RBL1: variants seen among roughly 807,000 people sequenced by gnomAD.
RBL1 encodes RB transcriptional corepressor like 1, also known as retinoblastoma-like protein 1.
Under a neutral mutation model 123.0 loss-of-function variants are expected in RBL1, and 82 were observed. The ratio of observed to expected loss-of-function variants is 0.67; its 90% CI spans 0.56 to 0.80. The LOEUF (loss-of-function observed/expected upper bound fraction) is 0.80, where lower values mean the gene tolerates loss of function less well. RBL1 is among the 30% of genes least tolerant of loss of function. The pLI is 0.00. For synonymous variants in RBL1, 405 were observed against 441.3 expected, an observed-to-expected ratio of 0.92 and a Z score of 1.03; for missense variants, 1,171 against 1,299.6, an observed-to-expected ratio of 0.90 and a Z score of 1.52.
intron 14 of RBL1, among the ~76,000 whole-genome samples, chr20:37,038,301 CTTTT>C (rs890141235): frequency 6.5e-5 from 7 of 107,532 alleles, no homozygotes; most frequent in Admixed American, 9.7e-5. Context: ...CTTATGCAAT[CTTTT>C]TTTTTTTTTT....
intron 2 of RBL1, among the ~76,000 whole-genome samples, chr20:37,069,781 C>T (rs1431123155): frequency 1.3e-5 from 2 of 151,410 alleles, no homozygotes; most frequent in African/African-American, 4.9e-5. Flanking sequence ...CCAGCACCCC[C>T]ATCCGGGAGG....
chr20:37,044,036 T>TG, intron 13 of RBL1, 50 bp downstream of exon 13: 4 of 1,186,124 alleles, frequency 3.4e-6, no homozygotes, highest in Middle Eastern at 4.2e-4. Context: ...AAAGCTGGTT[T>TG]TTTTTTTTTT....
chr20:37,047,686 T>C (rs934887230), intron 11 of RBL1, among the ~76,000 whole-genome samples: 1 of 152,106 alleles, frequency 6.6e-6, no homozygotes, highest in African/African-American at 2.4e-5. Context: ...CTTTCAAATA[T>C]CACCCTAGAT....
At position 37,035,345 on chromosome 20, in the gene RBL1, A is replaced by T. The variant is rs1186678797; in HGVS notation, c.2067T>A (p.Ile689=). The T allele has an allele frequency of 6.2e-7, 1 of 1,614,126 alleles. No individual in the cohort carries two copies. The highest frequency in any genetic ancestry group is 8.5e-7 in the Non-Finnish European group (1 of 1,179,992). The part of the protein sequence containing the change: ...TKLKIAPSSS[I]TAENVSILPG... ...GTAAAATTGATACATTTTCAGCAGT[A>T]ATGCTTGAAGAAGGAGCGATTTTCA... is the stretch of plus-strand genomic sequence containing the variant. Residue 689 remains isoleucine (I), a synonymous_variant, in exon 15 of 22, where the codon ATT becomes ATA. Coordinates refer to ENST00000373664, the MANE Select transcript of RBL1 (RefSeq NM_002895.5).
chr20:37,040,899 C>T (rs2064712107), intron 13 of RBL1, among the ~76,000 whole-genome samples: 2 of 152,248 alleles, frequency 1.3e-5, no homozygotes, highest in African/African-American at 4.8e-5. Context: ...TGCCCAAGGT[C>T]ACACAACTAG....
At position 37,078,561 on chromosome 20, in the gene RBL1, G is replaced by C. The variant is rs1221104068; in HGVS notation, c.291-10375C>G. On this transcript the variant is annotated intron_variant, in intron 2 of 21. Transcript: ENST00000373664. The stretch of plus-strand genomic sequence containing the variant: ...TTTGTTGAGCACTCCTTACTTTCTG[G>C]CATAAGAAGCTGTTCCAGATGCATC... Among the ~76,000 whole-genome samples the C allele has an allele frequency of 3.9e-5, 6 of 152,220 alleles. No individual in the cohort carries two copies. In the East Asian group the frequency reaches 1.2e-3, roughly 29 times the overall value.
Position 37,062,288 on chromosome 20 carries a change from A to G in RBL1, c.897-18T>C. 1 of 1,611,630 alleles carries G rather than the reference A, an allele frequency of 6.2e-7. No homozygotes were observed. Among genetic ancestry groups the G allele is most frequent in the South Asian group, 1.1e-5 (1 of 90,728 alleles). ...CTGCTTTGCTGCAAAGAGAATTATT[A>G]TAAGCTGTAATACTAAGTTACACAA... On this transcript the variant is annotated intron_variant, in intron 7 of 21. Coordinates refer to ENST00000373664, the MANE Select transcript of RBL1 (RefSeq NM_002895.5).
intron 11 of RBL1, among the ~76,000 whole-genome samples, chr20:37,050,544 CAAAAAAAAAAAAA>C (rs148834732): frequency 9.1e-4 from 10 of 10,944 alleles, no homozygotes; most frequent in African/African-American, 1.8e-3. Context: ...GACTCTGTCT[CAAAAAAAAAAAAA>C]AAAAAAAAAA....
At chr20:37,088,937 G>A (rs2065600999) in intron 2 of RBL1, 52 bp downstream of exon 2, 2 of 1,280,854 alleles carry the variant, frequency 1.6e-6, no homozygotes, top group Non-Finnish European at 2.1e-6. Flanking sequence ...AGAGAAAACT[G>A]ATTCCAAAAT....
chr20:37,051,327 T>A (rs895578497), intron 11 of RBL1, among the ~76,000 whole-genome samples: 1 of 152,130 alleles, frequency 6.6e-6, no homozygotes, highest in Non-Finnish European at 1.5e-5. Context: ...ATTATAGGCA[T>A]GTGCCACTAC....
At chr20:37,069,253 C>A (rs2065238278) in intron 2 of RBL1, among the ~76,000 whole-genome samples, 1 of 152,246 alleles carries the variant, frequency 6.6e-6, no homozygotes, top group Non-Finnish European at 1.5e-5. Flanking sequence ...CTCTGCCCAG[C>A]TGCCACCCCG....
chr20:37,027,831 T>C (rs953495714), intron 16 of RBL1, among the ~76,000 whole-genome samples: 8 of 152,220 alleles, frequency 5.3e-5, no homozygotes, highest in African/African-American at 1.9e-4. Flanking sequence ...CTTAGCTCAC[T>C]GCAGCCTCGA....
intron 2 of RBL1, among the ~76,000 whole-genome samples, chr20:37,071,263 T>A (rs1384416197): frequency 6.6e-6 from 1 of 152,206 alleles, no homozygotes. Context: ...CCAATACTTA[T>A]AATTTCTTTT....
Position 37,040,316 on chromosome 20 carries a change from TATAG to T in RBL1, c.1771-35_1771-32del, listed in dbSNP as rs746236437. On this transcript the variant is annotated intron_variant, in intron 13 of 21. Transcript: ENST00000373664. ...GAAAACAAAAACCCTTTGATTTACA[TATAG>T]ATAAACTTGCTGATTAAAACTTATT... 4.4e-6 allele frequency: 7 copies of T among 1,603,108 alleles called. No homozygotes were observed. The East Asian group carries it at 6.7e-5, about 15-fold the overall frequency.
chr20:37,065,583 G>C, intron 6 of RBL1, 110 bp from the exon 7 acceptor site: 1 of 625,348 alleles, frequency 1.6e-6, no homozygotes. Context: ...ACACAAAACA[G>C]AATTATTAAA....
chr20:37,040,117 G>A, intron 14 of RBL1, 36 bp downstream of exon 14: 1 of 1,604,380 alleles, frequency 6.2e-7, no homozygotes, highest in Non-Finnish European at 8.5e-7. Context: ...AATGCCCTTT[G>A]TTACTTTTTC....
intron 21 of RBL1, among the ~76,000 whole-genome samples, chr20:37,002,653 C>A (rs2064007604): frequency 6.6e-6 from 1 of 150,896 alleles, no homozygotes; most frequent in African/African-American, 2.4e-5. Flanking sequence ...TCTGTTTTAA[C>A]AAGCCCTCCC....
Position 37,088,201 on chromosome 20 carries a change from G to A in RBL1, c.290+788C>T, listed in dbSNP as rs938600444. Among the ~76,000 whole-genome samples, 12 of 151,070 alleles carry A rather than the reference G, an allele frequency of 7.9e-5. No individual in the cohort carries two copies. The East Asian group carries it at 2.4e-3, about 30-fold the overall frequency. The stretch of plus-strand genomic sequence containing the variant: ...AATCGCTTGAACCCAGGAGGCAGAG[G>A]TTGTGGTGAGCTGAGATTGCACCAC... On this transcript the variant is annotated intron_variant, in intron 2 of 21. Transcript: ENST00000373664.
At position 37,091,525 on chromosome 20, in the gene RBL1, C is replaced by T. The variant is rs576857128; in HGVS notation, c.157-2403G>A. On this transcript the variant is annotated intron_variant, in intron 1 of 21. Transcript: ENST00000373664. The stretch of plus-strand genomic sequence containing the variant: ...CTGTACAAAAAAGGAAAAAATTAGC[C>T]GGGTATGTGGCACGTCTGTAGTTAG... 1.1e-4 allele frequency among the ~76,000 whole-genome samples: 17 copies of T among 151,758 alleles called. 1 individual carries two copies. The highest frequency in any genetic ancestry group is 6.3e-4 in the South Asian group (3 of 4,800).
Sources: allele counts gnomAD v4.1 joint callset (sites outside exome capture counted in the v4.1 genomes callset), GRCh38; gene constraint gnomAD v4.1.1; transcripts MANE v1.5; gene names NCBI Gene and HGNC (gene_info 2026-07-23, HGNC 2026-07-21).